XYLT1: variants seen among roughly 807,000 people sequenced by gnomAD.
XYLT1 encodes the protein xylosyltransferase 1, also known as beta-D-xylosyltransferase 1.
XYLT1 carries 36 observed loss-of-function variants against 91.3 expected under a neutral mutation model. The observed-to-expected ratio is 0.39, with a 90% CI of 0.30 to 0.52. XYLT1 has a LOEUF of 0.52. XYLT1 is among the 20% of genes least tolerant of loss of function. The pLI, the probability that XYLT1 is intolerant of heterozygous loss-of-function variation, is 0.68. For missense variants in XYLT1, 1,242 were observed against 1,284.5 expected, an observed-to-expected ratio of 0.97 and a Z score of 0.51; for synonymous variants, 588 against 532.0, an observed-to-expected ratio of 1.11 and a Z score of -1.45.
rs114025404 is a variant in XYLT1, at chr16:17,459,900, G to A, written c.363+10534C>T. ...CATTCATTCTCTCCCTGTCCCCCAC[G>A]GGTTACAAGACGCTGTGAGGAAGGA... is the stretch of plus-strand genomic sequence containing the variant. On this transcript the variant is annotated intron_variant, in intron 1 of 11. Coordinates refer to ENST00000261381, the MANE Select transcript of XYLT1 (RefSeq NM_022166.4). 1.0e-3 allele frequency among the ~76,000 whole-genome samples: 154 copies of A among 152,238 alleles called. 2 individuals are homozygous for A. The highest frequency in any genetic ancestry group is 3.5e-3 in the African/African-American group (144 of 41,544).
intron 3 of XYLT1, among the ~76,000 whole-genome samples, chr16:17,258,205 AGGAG>A (rs1254179238): frequency 6.6e-6 from 1 of 151,876 alleles, no homozygotes; most frequent in Non-Finnish European, 1.5e-5. Context: ...AAAAGAAGAA[AGGAG>A]GGAGGGAGGA....
chr16:17,173,400 C>T (rs754499729), intron 5 of XYLT1, among the ~76,000 whole-genome samples: 3 of 152,220 alleles, frequency 2.0e-5, no homozygotes, highest in Non-Finnish European at 2.9e-5. Flanking sequence ...TCCGAGGCAT[C>T]CACGTACATC....
At chr16:17,357,211 A>C in intron 2 of XYLT1, among the ~76,000 whole-genome samples, 1 of 140,798 alleles carries the variant, frequency 7.1e-6, no homozygotes, top group African/African-American at 2.7e-5. Context: ...GCTACCACTC[A>C]CAAGCACTTA....
At chr16:17,258,873 T>C in intron 3 of XYLT1, 115 bp downstream of exon 3, 6 of 1,273,442 alleles carry the variant, frequency 4.7e-6, no homozygotes, top group Non-Finnish European at 6.1e-6. Context: ...CATCTGGGGT[T>C]TGGAAAACAG....
intron 5 of XYLT1, among the ~76,000 whole-genome samples, chr16:17,183,185 T>C (rs1465907246): frequency 6.6e-6 from 1 of 152,158 alleles, no homozygotes; most frequent in African/African-American, 2.4e-5. Context: ...TGAGTCCTGG[T>C]GCTGTTCTAT....
rs1421561278 is a variant in XYLT1 at position 17,103,854 on chromosome 16, A to G, written c.*4841T>C. On this transcript the variant is annotated 3_prime_UTR_variant, in exon 12 of 12. Coordinates refer to ENST00000261381, the MANE Select transcript of XYLT1 (RefSeq NM_022166.4). Reference sequence around the variant, plus strand: ...GGGGTAGACACAGGTGGCGCAAGAAAGCCCTCCTCCATCTTAAGAGGGTCC... The same window carrying G: ...GGGGTAGACACAGGTGGCGCAAGAAGGCCCTCCTCCATCTTAAGAGGGTCC... 1 of 152,278 alleles carries G rather than the reference A, an allele frequency of 6.6e-6. No homozygotes were observed. The highest frequency in any genetic ancestry group is 1.9e-4 in the East Asian group (1 of 5,198). The allele number at this position is 152,278 out of a possible 1,614,324, so 9.4% of individuals were successfully genotyped here. A position where few individuals can be genotyped will look rare whatever the true frequency, so the allele number is the denominator to read the frequency against.
chr16:17,115,122 G>T (rs1005033236), intron 11 of XYLT1, among the ~76,000 whole-genome samples: 1 of 151,982 alleles, frequency 6.6e-6, no homozygotes, highest in East Asian at 1.9e-4. Flanking sequence ...GGGATTACAG[G>T]TGTGACCACC....
rs570864241 is a variant in XYLT1, at chr16:17,109,246, T to A, written c.2558-229A>T. Among the ~76,000 whole-genome samples the A allele has an allele frequency of 4.6e-5, 7 of 152,324 alleles. No individual in the cohort carries two copies. In the South Asian group the frequency reaches 1.5e-3, roughly 32 times the overall value. Reference sequence around the variant, plus strand: ...GGGCACGGTGCATGCCTTTATTCATTCAACACATGTTTATAGCGCATCTTT... The same window carrying A: ...GGGCACGGTGCATGCCTTTATTCATACAACACATGTTTATAGCGCATCTTT... On this transcript the variant is annotated intron_variant, in intron 11 of 11. Transcript: ENST00000261381.
chr16:17,205,851 A>G (rs573136175), intron 3 of XYLT1, among the ~76,000 whole-genome samples: 1 of 152,306 alleles, frequency 6.6e-6, no homozygotes, highest in South Asian at 2.1e-4. Flanking sequence ...CCTCGATTCT[A>G]TTTATACTCT....
chr16:17,206,221 G>A (rs376762947), intron 3 of XYLT1, among the ~76,000 whole-genome samples: 61 of 152,262 alleles, frequency 4.0e-4, no homozygotes, highest in South Asian at 1.9e-3. Context: ...CAGCAGGCGC[G>A]TTGCAGAGGA....
intron 2 of XYLT1, among the ~76,000 whole-genome samples, chr16:17,343,698 G>A (rs1461861991): frequency 6.6e-6 from 1 of 152,088 alleles, no homozygotes; most frequent in East Asian, 1.9e-4. Context: ...CAAACTCCTG[G>A]CCTCAGGCAA....
chr16:17,411,619 C>T (rs970696857), intron 1 of XYLT1, among the ~76,000 whole-genome samples: 1 of 152,176 alleles, frequency 6.6e-6, no homozygotes, highest in South Asian at 2.1e-4. Context: ...GAAAACACCC[C>T]TTGGTTGCCT....
rs187772594 is a variant in XYLT1 at position 17,107,712 on chromosome 16, A to T, written c.*983T>A. The T allele has an allele frequency of 1.8e-3, 275 of 152,812 alleles. 1 individual carries two copies. The highest frequency in any genetic ancestry group is 6.2e-3 in the South Asian group (30 of 4,826). The allele number at this position is 152,812 out of a possible 1,614,324, so 9.5% of individuals were successfully genotyped here. ...TGGGTGCTGCTGTGCTGTCTAGCTC[A>T]GGAGTTTTGCTCCAAGCATTGCTTT... On this transcript the variant is annotated 3_prime_UTR_variant, in exon 12 of 12. Transcript: ENST00000261381.
intron 2 of XYLT1, among the ~76,000 whole-genome samples, chr16:17,292,580 A>G (rs2034247446): frequency 6.6e-6 from 1 of 152,182 alleles, no homozygotes; most frequent in African/African-American, 2.4e-5. Context: ...TGGTATAGTC[A>G]AGTGTTTATT....
intron 2 of XYLT1, among the ~76,000 whole-genome samples, chr16:17,291,653 A>G (rs1189610339): frequency 2.6e-5 from 4 of 152,198 alleles, no homozygotes; most frequent in Admixed American, 1.3e-4. Flanking sequence ...CCTCACACTT[A>G]GAATGTGCTG....
chr16:17,199,822 G>C (rs901728648), intron 4 of XYLT1, among the ~76,000 whole-genome samples: 3 of 152,066 alleles, frequency 2.0e-5, no homozygotes, highest in Admixed American at 6.6e-5. Context: ...CTCAGTCTCA[G>C]GTATGTCTTT....
chr16:17,211,909 G>A lies in XYLT1; in HGVS notation c.914-11255C>T, dbSNP rs150221633. On this transcript the variant is annotated intron_variant, in intron 3 of 11. Coordinates refer to ENST00000261381, the MANE Select transcript of XYLT1 (RefSeq NM_022166.4). ...GAGGGGACTGTCCTGCGCACTGTAG[G>A]ATGTTTAGCAGCATCGCTGGATCTA... Among the ~76,000 whole-genome samples, 730 of 152,320 alleles carry A rather than the reference G, an allele frequency of 4.8e-3. 3 individuals are homozygous for A. Among genetic ancestry groups the A allele is most frequent in the Non-Finnish European group, 7.7e-3 (523 of 68,028 alleles).
At chr16:17,367,072 A>G (rs2035464584) in intron 1 of XYLT1, among the ~76,000 whole-genome samples, 1 of 152,092 alleles carries the variant, frequency 6.6e-6, no homozygotes, top group South Asian at 2.1e-4. Context: ...TAATGGTAAT[A>G]ATCATCACCA....
At chr16:17,405,656 G>A (rs1186164933) in intron 1 of XYLT1, among the ~76,000 whole-genome samples, 1 of 152,198 alleles carries the variant, frequency 6.6e-6, no homozygotes, top group Non-Finnish European at 1.5e-5. Flanking sequence ...CTCGTGAGCT[G>A]GGAGATGTCC....
Sources: allele counts gnomAD v4.1 joint callset (sites outside exome capture counted in the v4.1 genomes callset), GRCh38; gene constraint gnomAD v4.1.1; transcripts MANE v1.5; gene names NCBI Gene and HGNC (gene_info 2026-07-23, HGNC 2026-07-21).